The following APOBEC3F variants were observed in gnomAD, a reference collection of about 807,000 sequenced individuals.
The protein encoded by APOBEC3F is DNA dC->dU-editing enzyme APOBEC-3F.
In APOBEC3F, 34 loss-of-function variants were observed where a neutral mutation model predicts 45.8. The ratio of observed to expected loss-of-function variants is 0.74; its 90% CI spans 0.57 to 0.99. The LOEUF (loss-of-function observed/expected upper bound fraction) is 0.99, where lower values mean the gene tolerates loss of function less well. Ranked by LOEUF, APOBEC3F falls within the 50% of genes least tolerant of loss-of-function variation. APOBEC3F has a pLI of 0.00. For missense variants in APOBEC3F, 459 were observed against 474.1 expected (o/e 0.97, Z 0.30); for synonymous variants, 192 against 174.4 (o/e 1.10, Z -0.80).
chr22:39,049,865 A>G (rs532897377), intron 5 of APOBEC3F, among the ~76,000 whole-genome samples: 54 of 151,840 alleles, frequency 3.6e-4, no homozygotes, highest in East Asian at 1.9e-4. Context: ...ACACCCAGCT[A>G]ATTTTTATTC....
rs888274063 is a variant in APOBEC3F at position 39,054,388 on chromosome 22, C to A, written c.*1693C>A. 6.6e-6 allele frequency among the ~76,000 whole-genome samples: 1 copy of A among 152,164 alleles called. No individual in the cohort carries two copies. The highest frequency in any genetic ancestry group is 2.4e-5 in the African/African-American group (1 of 41,426). ...CTGGGATTACATGCGCGTGCCACCA[C>A]GCCTAGCTAATTTTTGTGTTTTTAG... On this transcript the variant is annotated 3_prime_UTR_variant, in exon 7 of 7. Coordinates refer to ENST00000308521, the MANE Select transcript of APOBEC3F (RefSeq NM_145298.6).
Position 39,052,201 on chromosome 22 carries a change from C to T in APOBEC3F, c.851C>T (p.Ala284Val), listed in dbSNP as rs745934078. 1 of 1,614,150 alleles carries T rather than the reference C, an allele frequency of 6.2e-7. No individual in the cohort carries two copies. The highest frequency in any genetic ancestry group is 8.5e-7 in the Non-Finnish European group (1 of 1,180,016). Reference protein sequence around the residue: ...YTSWSPCPECAGEVAEFLARH... With the variant: ...YTSWSPCPECVGEVAEFLARH... Reference sequence around the variant, plus strand: ...TCTTGGAGCCCTTGCCCAGAGTGTGCAGGGGAGGTGGCCGAGTTCCTGGCC... The same window carrying T: ...TCTTGGAGCCCTTGCCCAGAGTGTGTAGGGGAGGTGGCCGAGTTCCTGGCC... The change falls in exon 6 of 7, where the codon GCA (alanine) becomes GTA (valine). Residue 284 changes from alanine (A) to valine (V), a missense_variant. By Grantham distance (64) the Ala-to-Val change is moderately conservative (BLOSUM62 0). Transcript: ENST00000308521.
intron 4 of APOBEC3F, among the ~76,000 whole-genome samples, chr22:39,046,293 T>A (rs6001399): frequency 0.075 from 11,350 of 152,178 alleles, 1,350 homozygotes; most frequent in African/African-American, 0.26. Context: ...AATACAGTTA[T>A]CCTGTGAGGA....
chr22:39,045,238 CAG>C lies in APOBEC3F; in HGVS notation c.451+19_451+20del, dbSNP rs35287556. The stretch of plus-strand genomic sequence containing the variant: ...CGATGAAGGTGAGAGGTGGAGGGGT[CAG>C]GGGAGCGTGAGCGGGAGGAACAGCA... On this transcript the variant is annotated intron_variant, in intron 3 of 6. Coordinates refer to ENST00000308521, the MANE Select transcript of APOBEC3F (RefSeq NM_145298.6). 2,079 of 1,612,110 alleles carry C rather than the reference CAG, an allele frequency of 1.3e-3. 21 individuals are homozygous for C. In the African/African-American group the frequency reaches 0.023, roughly 18 times the overall value.
chr22:39,042,162 C>T (rs547384259), intron 1 of APOBEC3F, among the ~76,000 whole-genome samples: 12 of 152,226 alleles, frequency 7.9e-5, no homozygotes, highest in Non-Finnish European at 1.3e-4. Context: ...AGCTCACATC[C>T]GCGCAGCACT....
intron 4 of APOBEC3F, among the ~76,000 whole-genome samples, chr22:39,048,068 T>C (rs952295613): frequency 6.6e-5 from 10 of 152,196 alleles, no homozygotes; most frequent in African/African-American, 1.7e-4. Context: ...GTGAGCACCA[T>C]TCACCTTTTA....
At chr22:39,048,343 A>C (rs1266030732) in intron 4 of APOBEC3F, among the ~76,000 whole-genome samples, 1 of 152,182 alleles carries the variant, frequency 6.6e-6, no homozygotes, top group East Asian at 1.9e-4. Flanking sequence ...GGCCTCAGGC[A>C]CATACCATGA....
At position 39,052,653 on chromosome 22, in the gene APOBEC3F, C is replaced by T. The variant is rs141162116; in HGVS notation, c.1080C>T (p.Asn360=). ...AGCCTTGGAAAGGACTAAAATACAA[C>T]TTTCTATTCCTGGACAGCAAGCTGC... ...PFKPWKGLKY[N]FLFLDSKLQE... is the part of the protein sequence containing the mutation. Residue 360 remains asparagine (N), a synonymous_variant, in exon 7 of 7, where the codon AAC becomes AAT. Transcript: ENST00000308521. The T allele has an allele frequency of 1.9e-4, 305 of 1,613,996 alleles. No homozygotes were observed. Among genetic ancestry groups the T allele is most frequent in the Middle Eastern group, 8.2e-4 (5 of 6,080 alleles).
At chr22:39,042,492 A>G (rs1926964496) in intron 1 of APOBEC3F, among the ~76,000 whole-genome samples, 1 of 151,982 alleles carries the variant, frequency 6.6e-6, no homozygotes, top group Admixed American at 6.5e-5. Context: ...TTATATTTTT[A>G]GTAGAGACTG....
chr22:39,044,373 A>G, intron 2 of APOBEC3F: 1 of 1,389,138 alleles, frequency 7.2e-7, no homozygotes, highest in Non-Finnish European at 9.3e-7. Flanking sequence ...ATGCTTCAAC[A>G]GCAGGACTGA....
chr22:39,052,087 C>A lies in APOBEC3F; in HGVS notation c.737C>A (p.Thr246Asn), dbSNP rs146084034. Residue 246 changes from threonine to asparagine, a missense_variant, in exon 6 of 7, where the codon ACC (threonine) becomes AAC (asparagine). Physicochemically the swap from Thr to Asn is moderately conservative, Grantham distance 65 (BLOSUM62 0). Transcript: ENST00000308521. ...CTCCTTCCCCAGGTGGATCCTGAGA[C>A]CCATTGTCATGCAGAAAGGTGCTTC... ...GVFRNQVDPE[T>N]HCHAERCFLS... The A allele has an allele frequency of 1.9e-6, 3 of 1,611,918 alleles. No individual in the cohort carries two copies. The highest frequency in any genetic ancestry group is 1.3e-5 in the African/African-American group (1 of 74,892).
Position 39,052,739 on chromosome 22 carries a change from C to T in APOBEC3F, c.*44C>T, listed in dbSNP as rs763939849. ...ATGGTCTGTCTCCTCTAGCCTCCTGCTCATGTTGTGCAGGCCTCCCCTCCA... is the reference window on the plus strand; with the variant it reads ...ATGGTCTGTCTCCTCTAGCCTCCTGTTCATGTTGTGCAGGCCTCCCCTCCA... On this transcript the variant is annotated 3_prime_UTR_variant, in exon 7 of 7. Coordinates refer to ENST00000308521, the MANE Select transcript of APOBEC3F (RefSeq NM_145298.6). The T allele has an allele frequency of 1.0e-5, 16 of 1,587,112 alleles. No individual in the cohort carries two copies. Among genetic ancestry groups the T allele is most frequent in the Non-Finnish European group, 1.4e-5 (16 of 1,167,792 alleles).
chr22:39,045,253 G>A (rs538464630), intron 3 of APOBEC3F, 33 bp downstream of exon 3: 11 of 1,607,288 alleles, frequency 6.8e-6, no homozygotes, highest in African/African-American at 6.7e-5. Flanking sequence ...GAGCGTGAGC[G>A]GGAGGAACAG....
At chr22:39,042,451 A>T (rs1003260231) in intron 1 of APOBEC3F, among the ~76,000 whole-genome samples, 1 of 151,698 alleles carries the variant, frequency 6.6e-6, no homozygotes, top group Non-Finnish European at 1.5e-5. Context: ...GGCTGGGATT[A>T]CAGGCACCCA....
chr22:39,047,028 G>T (rs1245651649), intron 4 of APOBEC3F, among the ~76,000 whole-genome samples: 1 of 152,104 alleles, frequency 6.6e-6, no homozygotes, highest in Non-Finnish European at 1.5e-5. Flanking sequence ...GGTGGCCGGG[G>T]ACACCAGCCT....
Position 39,046,580 on chromosome 22 carries a change from CA to C in APOBEC3F, c.566+1041del, listed in dbSNP as rs1484863567. On this transcript the variant is annotated intron_variant, in intron 4 of 6. Coordinates refer to ENST00000308521, the MANE Select transcript of APOBEC3F (RefSeq NM_145298.6). ...ACAGGGATGGAGATGCAGAAAGAGC[CA>C]AACAAACACTCAGTGATCAAGGTCC... Among the ~76,000 whole-genome samples, 15 of 152,142 alleles carry C rather than the reference CA, an allele frequency of 9.9e-5. No homozygotes were observed. The East Asian group carries it at 2.9e-3, about 29-fold the overall frequency.
chr22:39,048,748 A>G (rs1258614949), intron 4 of APOBEC3F, among the ~76,000 whole-genome samples: 1 of 152,180 alleles, frequency 6.6e-6, no homozygotes, highest in Non-Finnish European at 1.5e-5. Context: ...CAGAGGTTGC[A>G]GTGAGCCGAG....
Position 39,054,679 on chromosome 22 carries a change from C to T in APOBEC3F, c.*1984C>T, listed in dbSNP as rs1459847293. Among the ~76,000 whole-genome samples the T allele has an allele frequency of 6.6e-6, 1 of 152,202 alleles. No individual in the cohort carries two copies. Among genetic ancestry groups the T allele is most frequent in the Non-Finnish European group, 1.5e-5 (1 of 68,038 alleles). On this transcript the variant is annotated 3_prime_UTR_variant, in exon 7 of 7. Transcript: ENST00000308521. The stretch of plus-strand genomic sequence containing the variant: ...TCTGTTCTCCCAACATGGTGAACAC[C>T]ACCCGGACTGCGTGTATGTCCCAAA...
chr22:39,045,051 C>T lies in APOBEC3F; in HGVS notation c.282C>T (p.Thr94=). ...CFQITWFVSW[T]PCPDCVAKLA... ...AGATCACCTGGTTTGTATCCTGGAC[C>T]CCCTGCCCGGACTGTGTGGCGAAGC... Residue 94 remains threonine (T), a synonymous_variant, in exon 3 of 7, where the codon ACC becomes ACT. Coordinates refer to ENST00000308521, the MANE Select transcript of APOBEC3F (RefSeq NM_145298.6). The T allele has an allele frequency of 6.2e-7, 1 of 1,613,888 alleles. No homozygotes were observed.
Sources: gnomAD v4.1 joint callset for allele counts (sites outside exome capture counted in the v4.1 genomes callset) on GRCh38, gnomAD v4.1.1 for gene constraint, MANE v1.5 for transcripts, NCBI Gene and HGNC (gene_info 2026-07-23, HGNC 2026-07-21) for gene names.